ARFGEF3: variants seen among roughly 807,000 people sequenced by gnomAD.
ARFGEF3 encodes brefeldin A-inhibited guanine nucleotide-exchange protein 3.
ARFGEF3 carries 96 observed loss-of-function variants against 221.7 expected under a neutral mutation model. That is an observed-to-expected ratio of 0.43 (90% CI 0.37 to 0.51). The LOEUF is 0.51. Ranked by LOEUF, ARFGEF3 falls within the 20% of genes least tolerant of loss-of-function variation. ARFGEF3 has a pLI of 0.00. For synonymous variants in ARFGEF3, 1,145 were observed against 1,126.8 expected, an observed-to-expected ratio of 1.02 and a Z score of -0.32; for missense variants, 2,410 against 2,789.9, an observed-to-expected ratio of 0.86 and a Z score of 3.07.
chr6:138,254,183 G>A (rs777171378), intron 9 of ARFGEF3, among the ~76,000 whole-genome samples, 199 bp downstream of exon 9: 11 of 151,988 alleles, frequency 7.2e-5, no homozygotes, highest in South Asian at 2.1e-4. Flanking sequence ...TTGGGAGGCC[G>A]AGGCAGGCAT....
intron 4 of ARFGEF3, chr6:138,217,904 T>G (rs1777901866): frequency 1.4e-6 from 2 of 1,474,672 alleles, no homozygotes; most frequent in South Asian, 1.5e-5. Context: ...GTTACTTGGC[T>G]GGGCTTAAAC....
chr6:138,293,792 T>C (rs189167518), intron 19 of ARFGEF3, among the ~76,000 whole-genome samples: 1 of 152,364 alleles, frequency 6.6e-6, no homozygotes, highest in Admixed American at 6.5e-5. Flanking sequence ...TTAAATATAT[T>C]CTTTGTGCCT....
At chr6:138,199,737 CTT>C (rs1410177855) in intron 2 of ARFGEF3, among the ~76,000 whole-genome samples, 2 of 152,206 alleles carry the variant, frequency 1.3e-5, no homozygotes, top group African/African-American at 4.8e-5. Context: ...TATCCAGAAA[CTT>C]TGCTGAATTC....
rs375536111 is a variant in ARFGEF3, at chr6:138,207,215, T to C, written c.219+92T>C. On this transcript the variant is annotated intron_variant, in intron 3 of 33. Transcript: ENST00000251691. ...AATAGTTAACATTTTAAATACTGGC[T>C]GTTTAAAGACTCAGGCAGAAATTTG... The C allele has an allele frequency of 3.2e-6, 3 of 935,980 alleles. No homozygotes were observed. In the African/African-American group the frequency reaches 4.9e-5, roughly 15 times the overall value. The allele number at this position is 935,980 out of a possible 1,614,324, so 58.0% of individuals were successfully genotyped here. A position where few individuals can be genotyped will look rare whatever the true frequency, so the allele number is the denominator to read the frequency against.
At chr6:138,272,722 G>A (rs996818487) in intron 12 of ARFGEF3, among the ~76,000 whole-genome samples, 1 of 152,222 alleles carries the variant, frequency 6.6e-6, no homozygotes, top group Admixed American at 6.5e-5. Context: ...AAGCAAAGTT[G>A]TGTAATCTTA....
chr6:138,323,886 T>A, intron 30 of ARFGEF3, 113 bp downstream of exon 30: 1 of 1,532,864 alleles, frequency 6.5e-7, no homozygotes, highest in Non-Finnish European at 8.9e-7. Flanking sequence ...CAGTCTCACT[T>A]TAGATCTTGC....
intron 2 of ARFGEF3, among the ~76,000 whole-genome samples, chr6:138,176,246 A>G (rs183864154): frequency 1.2e-3 from 180 of 150,410 alleles, no homozygotes; most frequent in African/African-American, 3.9e-3. Flanking sequence ...CAGTGGTGCA[A>G]TCTCAGCTCA....
rs551026220 is a variant in ARFGEF3, at chr6:138,218,035, A to G, written c.351+7994A>G. 21 of 1,610,782 alleles carry G rather than the reference A, an allele frequency of 1.3e-5. No homozygotes were observed. Among genetic ancestry groups the G allele is most frequent in the African/African-American group, 4.1e-5 (3 of 73,722 alleles). On this transcript the variant is annotated intron_variant, in intron 4 of 33. Transcript: ENST00000251691. ...GTTTTGGATAAGTAGAGAAGACAGC[A>G]TTCCAGACCTAGGGTCTGAGTTAAC...
Position 138,319,851 on chromosome 6 carries a change from G to A in ARFGEF3, c.4623G>A (p.Val1541=), listed in dbSNP as rs756624350. The A allele has an allele frequency of 1.2e-6, 2 of 1,613,956 alleles. No individual in the cohort carries two copies. The highest frequency in any genetic ancestry group is 1.7e-6 in the Non-Finnish European group (2 of 1,179,880). ...HAIGLSCELV[V]EHIQSFLHSD... ...TTGGTCTGTCCTGTGAGCTGGTGGT[G>A]GAGCACATTCAAAGCTTTCTACATT... is the stretch of plus-strand genomic sequence containing the variant. The change falls in exon 28 of 34, where the codon GTG becomes GTA. Residue 1541 remains valine, a synonymous_variant. Transcript: ENST00000251691.
chr6:138,187,104 A>C (rs1394660670), intron 2 of ARFGEF3, among the ~76,000 whole-genome samples: 1 of 151,760 alleles, frequency 6.6e-6, no homozygotes, highest in Non-Finnish European at 1.5e-5. Context: ...TCGTAGAGAT[A>C]GGGTTTCTCC....
Position 138,285,192 on chromosome 6 carries a change from G to A in ARFGEF3, c.2462-754G>A, listed in dbSNP as rs145753768. ...TTATAAGGTATTATTGGCAGGGCAC[G>A]GTGGCTCACGCCTGTAATCCCAGCA... is the stretch of plus-strand genomic sequence containing the variant. On this transcript the variant is annotated intron_variant, in intron 14 of 33. Coordinates refer to ENST00000251691, the MANE Select transcript of ARFGEF3 (RefSeq NM_020340.5). Among the ~76,000 whole-genome samples the A allele has an allele frequency of 8.9e-3, 1,349 of 152,210 alleles. 14 individuals carry two copies. Among genetic ancestry groups the A allele is most frequent in the South Asian group, 0.029 (139 of 4,822 alleles).
In ARFGEF3 at chr6:138,243,237, G is replaced by A. The variant is rs753477441; in HGVS notation, c.586+243G>A. The stretch of plus-strand genomic sequence containing the variant: ...ATCTAACTACCTGAGGGAAATTAAC[G>A]CTTCACATACCTCTCATTTGGAGGC... On this transcript the variant is annotated intron_variant, in intron 7 of 33. Transcript: ENST00000251691. Among the ~76,000 whole-genome samples, 39 of 152,134 alleles carry A rather than the reference G, an allele frequency of 2.6e-4. 1 individual carries two copies. The highest frequency in any genetic ancestry group is 6.2e-4 in the South Asian group (3 of 4,820).
At position 138,321,087 on chromosome 6, in the gene ARFGEF3, CTG is replaced by C. The variant is rs769825992; in HGVS notation, c.4652-21_4652-20del. ...CCCTTTACACTAGAGCTGTGTGAAACTGTGATTTTGCTGTTTCCCATAGATAT... is the reference window on the plus strand; with the variant it reads ...CCCTTTACACTAGAGCTGTGTGAAACTGATTTTGCTGTTTCCCATAGATAT... On this transcript the variant is annotated intron_variant, in intron 28 of 33. Coordinates refer to ENST00000251691, the MANE Select transcript of ARFGEF3 (RefSeq NM_020340.5). The C allele has an allele frequency of 5.0e-6, 7 of 1,396,966 alleles. No individual in the cohort carries two copies. The East Asian group carries it at 7.4e-5, about 15-fold the overall frequency. 86.5% of individuals were successfully genotyped at this position (1,396,966 alleles called of 1,614,324 possible). A position where few individuals can be genotyped will look rare whatever the true frequency, so the allele number is the denominator to read the frequency against.
intron 5 of ARFGEF3, among the ~76,000 whole-genome samples, chr6:138,232,805 T>G (rs1229449092): frequency 1.3e-5 from 2 of 152,162 alleles, no homozygotes; most frequent in African/African-American, 4.8e-5. Flanking sequence ...CTCCTTTAAT[T>G]TCTGCCACAA....
At chr6:138,222,232 A>C (rs986487703) in intron 4 of ARFGEF3, among the ~76,000 whole-genome samples, 1 of 152,166 alleles carries the variant, frequency 6.6e-6, no homozygotes, top group Non-Finnish European at 1.5e-5. Flanking sequence ...AAAATACACT[A>C]ACACTACCGA....
intron 20 of ARFGEF3, among the ~76,000 whole-genome samples, chr6:138,296,523 G>A (rs1001618088): frequency 2.8e-4 from 42 of 151,978 alleles, no homozygotes; most frequent in African/African-American, 9.2e-4. Flanking sequence ...CGGACTTCTC[G>A]GCCCTCCTAC....
intron 2 of ARFGEF3, among the ~76,000 whole-genome samples, chr6:138,203,250 G>A (rs1291682456): frequency 2.0e-5 from 3 of 152,132 alleles, no homozygotes; most frequent in African/African-American, 7.2e-5. Flanking sequence ...AAAGGAGGTT[G>A]GAAGGAACTT....
At chr6:138,179,586 A>G (rs1777020978) in intron 2 of ARFGEF3, among the ~76,000 whole-genome samples, 1 of 152,096 alleles carries the variant, frequency 6.6e-6, no homozygotes, top group Non-Finnish European at 1.5e-5. Flanking sequence ...AGATAATGAC[A>G]TATTCCTCCT....
At chr6:138,293,251 G>A (rs1583053345) in intron 19 of ARFGEF3, among the ~76,000 whole-genome samples, 1 of 152,142 alleles carries the variant, frequency 6.6e-6, no homozygotes, top group South Asian at 2.1e-4. Context: ...AGGCTCACCT[G>A]GCACATTGCT....
Sources: gnomAD v4.1 joint callset for allele counts (sites outside exome capture counted in the v4.1 genomes callset) on GRCh38, gnomAD v4.1.1 for gene constraint, MANE v1.5 for transcripts, NCBI Gene and HGNC (gene_info 2026-07-23, HGNC 2026-07-21) for gene names.